MINPP1: variants seen among roughly 807,000 people sequenced by gnomAD.
MINPP1 encodes multiple inositol-polyphosphate phosphatase 1.
A neutral mutation model predicts 46.1 loss-of-function variants in MINPP1; 28 were observed. The observed-to-expected ratio is 0.61, with a 90% CI of 0.45 to 0.83. The LOEUF is 0.83. Among genes scored for constraint, MINPP1 ranks in the 40% least tolerant of loss-of-function variants. The pLI is 0.00. For synonymous variants in MINPP1, 268 were observed against 249.1 expected (o/e 1.08, Z -0.72); for missense variants, 603 against 610.0 (o/e 0.99, Z 0.12).
chr10:87,522,477 A>G (rs180708080), intron 4 of MINPP1, among the ~76,000 whole-genome samples: 1 of 152,358 alleles, frequency 6.6e-6, no homozygotes, highest in Non-Finnish European at 1.5e-5. Flanking sequence ...AAAAAAGTGA[A>G]TATCACAATG....
intron 4 of MINPP1, among the ~76,000 whole-genome samples, chr10:87,522,428 T>C (rs1461116627): frequency 6.6e-6 from 1 of 152,220 alleles, no homozygotes; most frequent in African/African-American, 2.4e-5. Flanking sequence ...TATGTAGGCA[T>C]GTCTCAAAGA....
intron 1 of MINPP1, chr10:87,507,761 G>A: frequency 1.2e-6 from 1 of 837,602 alleles, no homozygotes; most frequent in Non-Finnish European, 1.4e-6. Flanking sequence ...AAAGTTATCT[G>A]GGGCTTCAGT....
At position 87,547,510 on chromosome 10, in the gene MINPP1, AG is replaced by A. The variant is rs371527376; in HGVS notation, c.1068-4570del. ...AAGTATTTTCTTATAAAAGGCATTA[AG>A]GTTTTTCCAAGTAAAATTTTTTGGT... On this transcript the variant is annotated intron_variant, in intron 4 of 4. Transcript: ENST00000371996. Among the ~76,000 whole-genome samples the A allele has an allele frequency of 2.4e-4, 36 of 152,318 alleles. No homozygotes were observed. In the East Asian group the frequency reaches 4.8e-3, roughly 20 times the overall value.
intron 4 of MINPP1, among the ~76,000 whole-genome samples, chr10:87,549,191 C>T (rs1394104932): frequency 6.6e-6 from 1 of 152,076 alleles, no homozygotes; most frequent in African/African-American, 2.4e-5. Context: ...TTGTATAAAC[C>T]CAAGGAACCT....
chr10:87,520,999 T>A (rs2233168), intron 3 of MINPP1, 37 bp from the exon 4 acceptor site: 20 of 794,966 alleles, frequency 2.5e-5, no homozygotes, highest in East Asian at 1.4e-4. Context: ...GTTATATTTT[T>A]GAAAATATAT....
intron 4 of MINPP1, among the ~76,000 whole-genome samples, chr10:87,543,879 C>T (rs570821855): frequency 1.2e-4 from 19 of 152,276 alleles, no homozygotes; most frequent in South Asian, 4.1e-4. Context: ...CACTAGGTCC[C>T]GCCTTCAACA....
At chr10:87,522,382 G>T (rs1323449605) in intron 4 of MINPP1, among the ~76,000 whole-genome samples, 1 of 152,038 alleles carries the variant, frequency 6.6e-6, no homozygotes, top group Non-Finnish European at 1.5e-5. Flanking sequence ...GTGTCATAGG[G>T]TCATTATTTT....
chr10:87,539,989 C>T (rs184875624), intron 4 of MINPP1, among the ~76,000 whole-genome samples: 1 of 152,356 alleles, frequency 6.6e-6, no homozygotes, highest in East Asian at 1.9e-4. Context: ...ACCTCAGCCT[C>T]CCAAGTAGCT....
At chr10:87,508,094 A>T in intron 1 of MINPP1, 1 of 1,509,366 alleles carries the variant, frequency 6.6e-7, no homozygotes, top group African/African-American at 1.4e-5. Flanking sequence ...TAGCATCTCT[A>T]CAACACATTT....
chr10:87,521,293 T>G, intron 4 of MINPP1, 124 bp downstream of exon 4: 1 of 716,502 alleles, frequency 1.4e-6, no homozygotes, highest in South Asian at 1.7e-5. Flanking sequence ...TTTAATATAA[T>G]GTGATACAAA....
At chr10:87,543,858 T>G (rs1300996205) in intron 4 of MINPP1, among the ~76,000 whole-genome samples, 1 of 152,200 alleles carries the variant, frequency 6.6e-6, no homozygotes, top group African/African-American at 2.4e-5. Context: ...TCCCCATGAT[T>G]CAGTACCTCC....
At chr10:87,524,033 T>G (rs1851539689) in intron 4 of MINPP1, among the ~76,000 whole-genome samples, 1 of 152,240 alleles carries the variant, frequency 6.6e-6, no homozygotes. Context: ...GGCTTCAACT[T>G]ACAGTCAGGA....
At chr10:87,530,059 T>C (rs1196858674) in intron 4 of MINPP1, among the ~76,000 whole-genome samples, 2 of 152,186 alleles carry the variant, frequency 1.3e-5, no homozygotes, top group Non-Finnish European at 2.9e-5. Context: ...CTCCATCAGG[T>C]CATTTAAGGT....
chr10:87,510,562 T>C (rs1208090551), intron 2 of MINPP1, among the ~76,000 whole-genome samples: 1 of 152,266 alleles, frequency 6.6e-6, no homozygotes, highest in Non-Finnish European at 1.5e-5. Flanking sequence ...GTGAACATTC[T>C]TGTAGTCTGT....
At chr10:87,540,208 A>C (rs1851794217) in intron 4 of MINPP1, among the ~76,000 whole-genome samples, 1 of 152,198 alleles carries the variant, frequency 6.6e-6, no homozygotes, top group South Asian at 2.1e-4. Flanking sequence ...CCTTTCTGTC[A>C]TGGTATCCTG....
At position 87,548,100 on chromosome 10, in the gene MINPP1, G is replaced by A. The variant is rs549754611; in HGVS notation, c.1068-3982G>A. Reference sequence around the variant, plus strand: ...TGACAGAACCTGTATCATAGAGTAAGCAATTACTTTGCTAAGGCTACACAG... The same window carrying A: ...TGACAGAACCTGTATCATAGAGTAAACAATTACTTTGCTAAGGCTACACAG... On this transcript the variant is annotated intron_variant, in intron 4 of 4. Coordinates refer to ENST00000371996, the MANE Select transcript of MINPP1 (RefSeq NM_004897.5). Among the ~76,000 whole-genome samples the A allele has an allele frequency of 5.3e-5, 8 of 152,192 alleles. No individual in the cohort carries two copies. In the South Asian group the frequency reaches 1.7e-3, roughly 32 times the overall value.
At chr10:87,529,455 C>T (rs1021533546) in intron 4 of MINPP1, among the ~76,000 whole-genome samples, 8 of 152,074 alleles carry the variant, frequency 5.3e-5, no homozygotes, top group Admixed American at 2.6e-4. Flanking sequence ...TTTTATTTCT[C>T]CTTCACTTAT....
chr10:87,509,146 C>T (rs1851298844), intron 2 of MINPP1, among the ~76,000 whole-genome samples: 1 of 152,172 alleles, frequency 6.6e-6, no homozygotes, highest in South Asian at 2.1e-4. Context: ...GAAACCATGG[C>T]ACATGGTCAC....
chr10:87,508,566 A>G (rs770472841), intron 2 of MINPP1, 33 bp downstream of exon 2: 2 of 1,566,170 alleles, frequency 1.3e-6, no homozygotes, highest in South Asian at 1.1e-5. Flanking sequence ...TTTGAACTTA[A>G]CAGTTTAAAT....
Sources: allele counts gnomAD v4.1 joint callset (sites outside exome capture counted in the v4.1 genomes callset), GRCh38; gene constraint gnomAD v4.1.1; transcripts MANE v1.5; gene names NCBI Gene and HGNC (gene_info 2026-07-23, HGNC 2026-07-21).